The following ZNF423 variants were observed in gnomAD, a reference collection of about 807,000 sequenced individuals.
ZNF423 encodes zinc finger protein 423.
ZNF423 carries 12 observed loss-of-function variants against 95.8 expected under a neutral mutation model. The ratio of observed to expected loss-of-function variants is 0.13; its 90% confidence interval spans 0.08 to 0.20. The LOEUF is 0.20. Among genes scored for constraint, ZNF423 ranks in the 10% least tolerant of loss-of-function variants. The pLI is 1.00. For synonymous variants in ZNF423, 749 were observed against 711.9 expected (o/e 1.05, Z -0.83); for missense variants, 1,316 against 1,737.1 (o/e 0.76, Z 4.31).
chr16:49,734,227 T>C (rs1019124696), intron 2 of ZNF423, among the ~76,000 whole-genome samples: 4 of 152,184 alleles, frequency 2.6e-5, no homozygotes, highest in African/African-American at 9.7e-5. Flanking sequence ...TCCCTACTCC[T>C]TCAACCCAGC....
intron 2 of ZNF423, among the ~76,000 whole-genome samples, chr16:49,774,433 A>AG (rs1169092763): frequency 2.6e-5 from 4 of 152,036 alleles, no homozygotes; most frequent in Non-Finnish European, 5.9e-5. Context: ...GGAGAGGGAG[A>AG]GGGGGCTCCA....
chr16:49,743,871 G>A (rs773132522), intron 2 of ZNF423, among the ~76,000 whole-genome samples: 15 of 152,170 alleles, frequency 9.9e-5, no homozygotes, highest in Admixed American at 2.6e-4. Flanking sequence ...GCGCAGCCAC[G>A]TTCCAGGGAA....
chr16:49,726,891 GACCAGGTA>G (rs1170930320), intron 3 of ZNF423, among the ~76,000 whole-genome samples: 1 of 140,508 alleles, frequency 7.1e-6, no homozygotes, highest in African/African-American at 2.7e-5. Context: ...AAATGGCGAA[GACCAGGTA>G]ACCACATGGG....
intron 4 of ZNF423, among the ~76,000 whole-genome samples, chr16:49,630,899 G>A (rs574805590): frequency 1.3e-5 from 2 of 152,172 alleles, no homozygotes; most frequent in Admixed American, 6.5e-5. Flanking sequence ...GCCGGGAGAA[G>A]GGCTGACCCC....
intron 1 of ZNF423, chr16:49,854,793 T>G: frequency 1.0e-6 from 1 of 985,246 alleles, no homozygotes; most frequent in Non-Finnish European, 1.2e-6. Context: ...GGGCCCTCGC[T>G]GGAAATAGAA....
At chr16:49,747,905 C>T (rs982019067) in intron 2 of ZNF423, among the ~76,000 whole-genome samples, 1 of 152,222 alleles carries the variant, frequency 6.6e-6, no homozygotes, top group Non-Finnish European at 1.5e-5. Flanking sequence ...TCCTTCCCTC[C>T]CTCCGGTGTG....
chr16:49,584,269 A>G (rs1970753342), intron 5 of ZNF423, among the ~76,000 whole-genome samples: 1 of 152,196 alleles, frequency 6.6e-6, no homozygotes, highest in African/African-American at 2.4e-5. Flanking sequence ...CTAACTGGAT[A>G]TACGAAAGAA....
At chr16:49,778,151 G>A (rs1384931057) in intron 2 of ZNF423, among the ~76,000 whole-genome samples, 1 of 152,166 alleles carries the variant, frequency 6.6e-6, no homozygotes, top group African/African-American at 2.4e-5. Flanking sequence ...AACCAGAGAG[G>A]CATCAGATAG....
At chr16:49,553,236 T>C (rs572537809) in intron 5 of ZNF423, among the ~76,000 whole-genome samples, 3 of 152,322 alleles carry the variant, frequency 2.0e-5, no homozygotes, top group African/African-American at 7.2e-5. Context: ...GTACTACCTG[T>C]GCAGTATCTG....
chr16:49,738,027 A>T (rs1272357364), intron 2 of ZNF423, among the ~76,000 whole-genome samples: 1 of 152,206 alleles, frequency 6.6e-6, no homozygotes, highest in East Asian at 1.9e-4. Context: ...CATGCACCCG[A>T]GACAGAGAGA....
chr16:49,817,811 AGT>A (rs1438006575), intron 1 of ZNF423, among the ~76,000 whole-genome samples: 6 of 151,948 alleles, frequency 3.9e-5, no homozygotes, highest in Non-Finnish European at 8.8e-5. Flanking sequence ...CTACTAGATG[AGT>A]GTGTCGCAAG....
At chr16:49,633,535 CA>C (rs35422163) in intron 4 of ZNF423, among the ~76,000 whole-genome samples, 3,997 of 152,284 alleles carry the variant, frequency 0.026, 95 homozygotes, top group Non-Finnish European at 0.045. Context: ...TATTCATTAC[CA>C]CTGCCACTAC....
chr16:49,854,115 C>G (rs574913391), intron 1 of ZNF423: 1 of 985,320 alleles, frequency 1.0e-6, no homozygotes, highest in Non-Finnish European at 1.2e-6. Context: ...CTTGGAGTCT[C>G]TCTTCTGGTT....
intron 7 of ZNF423, among the ~76,000 whole-genome samples, chr16:49,506,993 G>C (rs1195259447): frequency 6.6e-6 from 1 of 152,102 alleles, no homozygotes; most frequent in African/African-American, 2.4e-5. Context: ...ATAAATAACT[G>C]GGTAGGACGG....
At chr16:49,699,835 T>A (rs1437874214) in intron 3 of ZNF423, among the ~76,000 whole-genome samples, 1 of 152,140 alleles carries the variant, frequency 6.6e-6, no homozygotes, top group East Asian at 1.9e-4. Flanking sequence ...TAAATTTTTA[T>A]CTTACGGCTC....
intron 3 of ZNF423, among the ~76,000 whole-genome samples, chr16:49,677,245 A>AGAGAG: frequency 5.2e-5 from 1 of 19,086 alleles, no homozygotes; most frequent in Non-Finnish European, 9.8e-5. Flanking sequence ...AGAGAAGAGA[A>AGAGAG]GATAAGAGAA....
chr16:49,817,476 G>A (rs568539915), intron 1 of ZNF423, among the ~76,000 whole-genome samples: 8 of 152,292 alleles, frequency 5.3e-5, no homozygotes, highest in Admixed American at 2.6e-4. Context: ...TAAAAGAGAC[G>A]CAGAGGCCTG....
At chr16:49,753,601 T>TAA (rs34010796) in intron 2 of ZNF423, among the ~76,000 whole-genome samples, 6 of 119,214 alleles carry the variant, frequency 5.0e-5, no homozygotes, top group African/African-American at 1.3e-4. Flanking sequence ...AGACCCTATT[T>TAA]AAAAAAAAAA....
In ZNF423 at chr16:49,492,472, A is replaced by AGGCCGGGGCCGGGGCCGGGGCCGG. The variant is rs796834568; in HGVS notation, c.3850-1192_3850-1169dup. On this transcript the variant is annotated intron_variant, in intron 7 of 7. Coordinates refer to ENST00000563137, the MANE Select transcript of ZNF423 (RefSeq NM_001379286.1). The surrounding 1 kb of genome is among the most constrained non-coding windows in gnomAD (Gnocchi z 4.2). Reference sequence around the variant, plus strand: ...TGCCAGTAGCCTCGCCCGGAGGCCGAGGCCGGGGCCGGGGCCGGGGCCGGG... The same window carrying AGGCCGGGGCCGGGGCCGGGGCCGG: ...TGCCAGTAGCCTCGCCCGGAGGCCGAGGCCGGGGCCGGGGCCGGGGCCGGGGCCGGGGCCGGGGCCGGGGCCGGG... 6.6e-6 allele frequency among the ~76,000 whole-genome samples: 1 copy of AGGCCGGGGCCGGGGCCGGGGCCGG among 151,986 alleles called. No homozygotes were observed. Among genetic ancestry groups the AGGCCGGGGCCGGGGCCGGGGCCGG allele is most frequent in the Admixed American group, 6.5e-5 (1 of 15,280 alleles).
Sources: allele counts gnomAD v4.1 joint callset (sites outside exome capture counted in the v4.1 genomes callset), GRCh38; gene constraint gnomAD v4.1.1; non-coding constraint Gnocchi (gnomAD v3.1); transcripts MANE v1.5; gene names NCBI Gene and HGNC (gene_info 2026-07-23, HGNC 2026-07-21).